Variants in BRF1 observed in about 807,000 individuals in gnomAD.
The protein encoded by BRF1 is transcription factor IIIB 90 kDa subunit.
Under a neutral mutation model 81.7 loss-of-function variants are expected in BRF1, and 59 were observed. The ratio of observed to expected loss-of-function variants is 0.72; its 90% CI spans 0.59 to 0.90. The LOEUF (loss-of-function observed/expected upper bound fraction) is 0.90. Among genes scored for constraint, BRF1 ranks in the 40% least tolerant of loss-of-function variants. The pLI is 0.00. For missense variants in BRF1, 1,050 were observed against 936.3 expected, an observed-to-expected ratio of 1.12 and a Z score of -1.58; for synonymous variants, 491 against 395.6, an observed-to-expected ratio of 1.24 and a Z score of -2.86.
chr14:105,252,607 C>T, intron 4 of BRF1, 28 bp from the exon 5 acceptor site: 3 of 1,604,886 alleles, frequency 1.9e-6, no homozygotes, highest in Non-Finnish European at 2.6e-6. Flanking sequence ...CAACCAGAAA[C>T]AGCATTGGTA....
At chr14:105,310,259 A>G (rs2058312874) in intron 1 of BRF1, among the ~76,000 whole-genome samples, 1 of 151,004 alleles carries the variant, frequency 6.6e-6, no homozygotes, top group African/African-American at 2.4e-5. Context: ...AGCCAGGCAC[A>G]GTGGCTCACG....
intron 15 of BRF1, among the ~76,000 whole-genome samples, chr14:105,215,224 G>A (rs587619707): frequency 3.3e-5 from 5 of 150,228 alleles, no homozygotes; most frequent in South Asian, 2.1e-4. Context: ...ACACACACAC[G>A]CCCCACGCAC....
At chr14:105,300,330 G>A (rs2057953166) in intron 1 of BRF1, 116 bp downstream of exon 1, 1 of 1,191,050 alleles carries the variant, frequency 8.4e-7, no homozygotes, top group African/African-American at 1.6e-5. Context: ...GCGCAGAACC[G>A]CGCGCCCCGA....
chr14:105,251,951 G>A lies in BRF1; in HGVS notation c.544+556C>T, dbSNP rs587646250. Among the ~76,000 whole-genome samples the A allele has an allele frequency of 1.4e-4, 22 of 152,054 alleles. No individual in the cohort carries two copies. In the South Asian group the frequency reaches 3.7e-3, roughly 26 times the overall value. On this transcript the variant is annotated intron_variant, in intron 5 of 17. Coordinates refer to ENST00000547530, the MANE Select transcript of BRF1 (RefSeq NM_001519.4). ...AGGCATACAGGAGTTCCACAAACTC[G>A]CACACAACACAGAACAAAAGTGGCA...
rs1222716527 is a variant in BRF1 at position 105,209,389 on chromosome 14, C to T, written c.*1162G>A. The T allele has an allele frequency of 7.9e-6, 5 of 630,538 alleles. No individual in the cohort carries two copies. The highest frequency in any genetic ancestry group is 5.7e-5 in the East Asian group (2 of 35,226). 39.1% of individuals were successfully genotyped at this position (630,538 alleles called of 1,614,324 possible). A position where few individuals can be genotyped will look rare whatever the true frequency, so the allele number is the denominator to read the frequency against. On this transcript the variant is annotated 3_prime_UTR_variant, in exon 18 of 18. Transcript: ENST00000547530. ...CCCAGGCTGGCTACTGAGCTCTGGG[C>T]GGGGGTAGGGGGGTCTGGCCTGCTG...
At chr14:105,211,669 T>A in intron 16 of BRF1, 1 of 349,224 alleles carries the variant, frequency 2.9e-6, no homozygotes, top group Non-Finnish European at 5.3e-6. Context: ...ACAGAGGCTC[T>A]GCTCCGGCCC....
intron 5 of BRF1, chr14:105,250,754 G>A: frequency 2.9e-6 from 4 of 1,395,768 alleles, no homozygotes; most frequent in Non-Finnish European, 3.9e-6. Context: ...ACCATGAAAG[G>A]CTGCTCTTAA....
In BRF1 at chr14:105,210,448, T is replaced by A. The variant is rs1889931061; in HGVS notation, c.*103A>T. ...GACAGGTGCCACCTGTCACCAGGAG[T>A]CTCGGCGCTGGGGCCTGCCTGCTGC... On this transcript the variant is annotated 3_prime_UTR_variant, in exon 18 of 18. Coordinates refer to ENST00000547530, the MANE Select transcript of BRF1 (RefSeq NM_001519.4). This position sits in a 1 kb window ranked among gnomAD's most constrained non-coding sequence, Gnocchi z 4.7. The A allele has an allele frequency of 2.1e-5, 28 of 1,326,510 alleles. No individual in the cohort carries two copies. The highest frequency in any genetic ancestry group is 2.7e-5 in the Non-Finnish European group (26 of 955,472). 82.2% of individuals were successfully genotyped at this position (1,326,510 alleles called of 1,614,324 possible).
In BRF1 at chr14:105,228,930, C is replaced by A. The variant is rs146194203; in HGVS notation, c.695-17G>T. ...CCAGGAGCGCTGGAAGGCAACGAGACGGGCCTCGTCAACCACGGCTGGGAA... is the reference window on the plus strand; with the variant it reads ...CCAGGAGCGCTGGAAGGCAACGAGAAGGGCCTCGTCAACCACGGCTGGGAA... On this transcript the variant is annotated splice_polypyrimidine_tract_variant and intron_variant, in intron 6 of 17. Coordinates refer to ENST00000547530, the MANE Select transcript of BRF1 (RefSeq NM_001519.4). 3.7e-6 allele frequency: 6 copies of A among 1,612,334 alleles called. No individual in the cohort carries two copies. The highest frequency in any genetic ancestry group is 3.4e-6 in the Non-Finnish European group (4 of 1,179,474).
At chr14:105,301,718 C>G (rs2058036277), upstream of BRF1, among the ~76,000 whole-genome samples, 1 of 152,256 alleles carries the variant, frequency 6.6e-6, no homozygotes, top group African/African-American at 2.4e-5. Flanking sequence ...CCTGTGGTTA[C>G]CCGTGAGTCA....
intron 1 of BRF1, chr14:105,314,853 CGCCCGCCGCGCGTCCGCG>C (rs2058495853): frequency 3.9e-5 from 29 of 736,874 alleles, no homozygotes; most frequent in Non-Finnish European, 4.6e-5. Flanking sequence ...GCGCCCGGCC[CGCCCGCCGCGCGTCCGCG>C]GCCCGGCCGC....
chr14:105,229,459 G>A (rs750495873), intron 6 of BRF1, among the ~76,000 whole-genome samples: 2 of 152,242 alleles, frequency 1.3e-5, no homozygotes, highest in Admixed American at 6.5e-5. Flanking sequence ...GTGGGCACGA[G>A]GGTAAGGGCC....
rs1378951848 is a variant in BRF1 at position 105,241,434 on chromosome 14, T to G, written c.545-20A>C. ...ACGGGTCTGCGGCAGACACAGCACC[T>G]CAGTGCCCACCTCCATGTGCCATGG... On this transcript the variant is annotated intron_variant, in intron 5 of 17. Coordinates refer to ENST00000547530, the MANE Select transcript of BRF1 (RefSeq NM_001519.4). 6.2e-7 allele frequency: 1 copy of G among 1,608,818 alleles called. No individual in the cohort carries two copies. Among genetic ancestry groups the G allele is most frequent in the Admixed American group, 1.7e-5 (1 of 60,002 alleles).
In BRF1 at chr14:105,271,259, A is replaced by T. The variant is rs986021715; in HGVS notation, c.439+1462T>A. ...GACGAATTCAACAGAAGCTCAGGACAGGAAGCTGTCAGAGAGCAAAGGCCT... is the reference window on the plus strand; with the variant it reads ...GACGAATTCAACAGAAGCTCAGGACTGGAAGCTGTCAGAGAGCAAAGGCCT... On this transcript the variant is annotated intron_variant, in intron 3 of 17. Transcript: ENST00000547530. The surrounding 1 kb of genome is among the most constrained non-coding windows in gnomAD (Gnocchi z 5.5). Among the ~76,000 whole-genome samples, 14 of 152,390 alleles carry T rather than the reference A, an allele frequency of 9.2e-5. No homozygotes were observed. The South Asian group carries it at 2.9e-3, about 32-fold the overall frequency.
intron 3 of BRF1, among the ~76,000 whole-genome samples, chr14:105,267,430 A>G (rs2056466909): frequency 6.6e-6 from 1 of 151,540 alleles, no homozygotes; most frequent in African/African-American, 2.4e-5. Context: ...CAGCCTCCCC[A>G]GTAGGTGAGA....
chr14:105,262,403 C>T (rs1273201357), intron 3 of BRF1, among the ~76,000 whole-genome samples: 1 of 152,184 alleles, frequency 6.6e-6, no homozygotes, highest in African/African-American at 2.4e-5. Flanking sequence ...GTCCAGATAC[C>T]TCTGACCTCC....
At chr14:105,257,145 CAG>C (rs2055920679) in intron 3 of BRF1, among the ~76,000 whole-genome samples, 1 of 152,182 alleles carries the variant, frequency 6.6e-6, no homozygotes, top group Non-Finnish European at 1.5e-5. Flanking sequence ...GATGAACAAA[CAG>C]GACCAAGAAT....
rs1346498489 is a variant in BRF1, at chr14:105,271,769, C to CCAGT, written c.439+948_439+951dup. ...GGGCACAGGACCAGATGCACAGAGACCAGTGCAAGAGAACACCAGACACTG... is the reference window on the plus strand; with the variant it reads ...GGGCACAGGACCAGATGCACAGAGACCAGTCAGTGCAAGAGAACACCAGACACTG... On this transcript the variant is annotated intron_variant, in intron 3 of 17. Transcript: ENST00000547530. This position sits in a 1 kb window ranked among gnomAD's most constrained non-coding sequence, Gnocchi z 5.5. Among the ~76,000 whole-genome samples the CCAGT allele has an allele frequency of 6.6e-6, 1 of 152,230 alleles. No homozygotes were observed. The highest frequency in any genetic ancestry group is 6.5e-5 in the Admixed American group (1 of 15,294).
chr14:105,210,711 C>G lies in BRF1; in HGVS notation c.1997-123G>C. On this transcript the variant is annotated intron_variant, in intron 17 of 17. Transcript: ENST00000547530. This position sits in a 1 kb window ranked among gnomAD's most constrained non-coding sequence, Gnocchi z 4.7. ...CAGGCTCCAGCCCCAGCCCCAGCCCCCCGCGCCCCGCCAGGAGCCATCTTG... is the reference window on the plus strand; with the variant it reads ...CAGGCTCCAGCCCCAGCCCCAGCCCGCCGCGCCCCGCCAGGAGCCATCTTG... 1 of 1,119,422 alleles carries G rather than the reference C, an allele frequency of 8.9e-7. No homozygotes were observed. Among genetic ancestry groups the G allele is most frequent in the South Asian group, 1.4e-5 (1 of 69,906 alleles). 69.3% of individuals were successfully genotyped at this position (1,119,422 alleles called of 1,614,324 possible).
Sources: allele counts gnomAD v4.1 joint callset (sites outside exome capture counted in the v4.1 genomes callset), GRCh38; gene constraint gnomAD v4.1.1; non-coding constraint Gnocchi (gnomAD v3.1); transcripts MANE v1.5; gene names NCBI Gene and HGNC (gene_info 2026-07-23, HGNC 2026-07-21).